The following NIBAN2 variants were observed in gnomAD, a reference collection of about 807,000 sequenced individuals.
NIBAN2 encodes niban apoptosis regulator 2, also known as protein Niban 2.
Under a neutral mutation model 81.8 loss-of-function variants are expected in NIBAN2, and 36 were observed. That is an observed-to-expected ratio of 0.44 (90% CI 0.34 to 0.58). The LOEUF (loss-of-function observed/expected upper bound fraction) is 0.58. NIBAN2 is among the 20% of genes least tolerant of loss of function. The pLI, the probability that NIBAN2 is intolerant of heterozygous loss-of-function variation, is 0.02. For missense variants in NIBAN2, 897 were observed against 1,014.1 expected (o/e 0.88, Z 1.57); for synonymous variants, 445 against 441.6 (o/e 1.01, Z -0.10).
intron 1 of NIBAN2, among the ~76,000 whole-genome samples, chr9:127,577,405 A>C (rs887043084): frequency 6.6e-6 from 1 of 151,580 alleles, no homozygotes; most frequent in Non-Finnish European, 1.5e-5. Flanking sequence ...ACCATCCTCC[A>C]GATCCAATAC....
chr9:127,514,281 A>C (rs1309800197), intron 8 of NIBAN2, among the ~76,000 whole-genome samples: 1 of 151,566 alleles, frequency 6.6e-6, no homozygotes, highest in East Asian at 1.9e-4. Context: ...AAAAAAAAAA[A>C]AAAAAACTAA....
In NIBAN2 at chr9:127,553,873, G is replaced by A. The variant is rs78658239; in HGVS notation, c.55+14947C>T. ...TGGGACTATAGGCTTGTGCCACCATGCCTGGCTAATTTTTTTTTACTTAGC... is the reference window on the plus strand; with the variant it reads ...TGGGACTATAGGCTTGTGCCACCATACCTGGCTAATTTTTTTTTACTTAGC... On this transcript the variant is annotated intron_variant, in intron 1 of 13. Coordinates refer to ENST00000373312, the MANE Select transcript of NIBAN2 (RefSeq NM_022833.4). Among the ~76,000 whole-genome samples, 849 of 152,224 alleles carry A rather than the reference G, an allele frequency of 5.6e-3. 15 individuals are homozygous for A. In the East Asian group the frequency reaches 0.065, roughly 12 times the overall value.
chr9:127,573,671 C>T (rs72767995), upstream of NIBAN2, among the ~76,000 whole-genome samples: 797 of 151,990 alleles, frequency 5.2e-3, 3 homozygotes, highest in Non-Finnish European at 8.6e-3. Context: ...TTGTTTATTT[C>T]GAGACAGGGT....
intron 3 of NIBAN2, 41 bp downstream of exon 3, chr9:127,527,153 A>G: frequency 6.2e-7 from 1 of 1,605,392 alleles, no homozygotes; most frequent in Non-Finnish European, 8.5e-7. Flanking sequence ...CACATGGAGA[A>G]AGCGGGGAGG....
chr9:127,539,206 C>T (rs975156440), intron 1 of NIBAN2, among the ~76,000 whole-genome samples: 12 of 151,924 alleles, frequency 7.9e-5, no homozygotes, highest in Non-Finnish European at 1.5e-4. Context: ...AGACACACAA[C>T]GGAGGGGAAA....
intron 2 of NIBAN2, among the ~76,000 whole-genome samples, chr9:127,528,225 C>T (rs1837114362): frequency 6.6e-6 from 1 of 152,116 alleles, no homozygotes; most frequent in Admixed American, 6.5e-5. Flanking sequence ...GATCTTTAAA[C>T]TAGGGTTGGG....
chr9:127,533,438 C>A (rs1837221261), intron 1 of NIBAN2, among the ~76,000 whole-genome samples: 1 of 152,186 alleles, frequency 6.6e-6, no homozygotes, highest in Admixed American at 6.5e-5. Flanking sequence ...GCCTGGGCGA[C>A]AGAGCGAGAC....
At chr9:127,552,891 T>C (rs1416577513) in intron 1 of NIBAN2, among the ~76,000 whole-genome samples, 4 of 152,062 alleles carry the variant, frequency 2.6e-5, no homozygotes, top group Non-Finnish European at 4.4e-5. Context: ...AGGGTTTCAC[T>C]ATGTTGGCCA....
At chr9:127,519,781 C>T (rs1223569100) in intron 5 of NIBAN2, among the ~76,000 whole-genome samples, 5 of 152,350 alleles carry the variant, frequency 3.3e-5, no homozygotes, top group East Asian at 3.9e-4. Flanking sequence ...GCATGCAGAG[C>T]CCTGGGTGGG....
chr9:127,523,190 AAAATATATATATATATATAT>A lies in NIBAN2; in HGVS notation c.589+469_589+488del, dbSNP rs1836984228. 3.0e-4 allele frequency among the ~76,000 whole-genome samples: 7 copies of A among 22,990 alleles called. 2 individuals carry two copies. The highest frequency in any genetic ancestry group is 6.2e-4 in the Admixed American group (1 of 1,614). 15.1% of individuals were successfully genotyped at this position (22,990 alleles called of 152,430 possible). On this transcript the variant is annotated intron_variant, in intron 5 of 13. Transcript: ENST00000373312. Reference sequence around the variant, plus strand: ...GTTTTAAAAAAAAAAAAAAAAAAAAAAAATATATATATATATATATATATATATATATATATATATATATA... The same window carrying A: ...GTTTTAAAAAAAAAAAAAAAAAAAAAATATATATATATATATATATATATA...
At chr9:127,551,093 G>A (rs1175382197) in intron 1 of NIBAN2, among the ~76,000 whole-genome samples, 1 of 151,812 alleles carries the variant, frequency 6.6e-6, no homozygotes, top group African/African-American at 2.4e-5. Context: ...ACGGCACTTT[G>A]AAAAAAAACT....
intron 1 of NIBAN2, among the ~76,000 whole-genome samples, chr9:127,532,618 T>A (rs999660841): frequency 2.0e-5 from 3 of 151,004 alleles, no homozygotes; most frequent in Non-Finnish European, 3.0e-5. Flanking sequence ...TAAAAAAATT[T>A]AAAAAAATGG....
Position 127,516,840 on chromosome 9 carries a change from C to CG in NIBAN2, c.973+16dup. On this transcript the variant is annotated intron_variant, in intron 8 of 13. Coordinates refer to ENST00000373312, the MANE Select transcript of NIBAN2 (RefSeq NM_022833.4). Reference sequence around the variant, plus strand: ...TGGCCCCTGGAGGGCCCGTCGAGCACGGGGGTGGCTGCCTACCTCGGATCT... The same window carrying CG: ...TGGCCCCTGGAGGGCCCGTCGAGCACGGGGGGTGGCTGCCTACCTCGGATCT... 6.2e-7 allele frequency: 1 copy of CG among 1,604,726 alleles called. No individual in the cohort carries two copies. The highest frequency in any genetic ancestry group is 8.5e-7 in the Non-Finnish European group (1 of 1,172,226).
At chr9:127,526,110 A>G (rs1049283881) in intron 3 of NIBAN2, among the ~76,000 whole-genome samples, 1 of 152,134 alleles carries the variant, frequency 6.6e-6, no homozygotes, top group Non-Finnish European at 1.5e-5. Flanking sequence ...TAGAAATGCA[A>G]ATCTTTACAG....
At chr9:127,539,568 T>A (rs1038284604) in intron 1 of NIBAN2, among the ~76,000 whole-genome samples, 34 of 152,162 alleles carry the variant, frequency 2.2e-4, no homozygotes, top group African/African-American at 8.2e-4. Context: ...TACTTCTTCA[T>A]CCTCACTGGG....
Position 127,507,208 on chromosome 9 carries a change from G to C in NIBAN2, c.1878C>G (p.Val626=), listed in dbSNP as rs1276438136. Residue 626 remains valine, a synonymous_variant, in exon 14 of 14, where the codon GTC becomes GTG. Transcript: ENST00000373312. The surrounding 1 kb of genome is among the most constrained non-coding windows in gnomAD (Gnocchi z 6.8). The part of the protein sequence containing the change: ...RRRAKQVVSV[V]QDEEVGLPFE... ...AGGGCAGCCCCACCTCCTCATCCTG[G>C]ACCACAGAGACCACCTGCTTGGCGC... 3 of 1,612,678 alleles carry C rather than the reference G, an allele frequency of 1.9e-6. No homozygotes were observed. The highest frequency in any genetic ancestry group is 1.7e-6 in the Non-Finnish European group (2 of 1,179,556).
chr9:127,562,527 C>T (rs1837791452), intron 1 of NIBAN2, among the ~76,000 whole-genome samples: 1 of 152,196 alleles, frequency 6.6e-6, no homozygotes, highest in African/African-American at 2.4e-5. Flanking sequence ...GCAGGCTAGA[C>T]TCTATGGCCA....
intron 1 of NIBAN2, among the ~76,000 whole-genome samples, chr9:127,577,063 T>A (rs1268213065): frequency 6.6e-6 from 1 of 151,874 alleles, no homozygotes; most frequent in Non-Finnish European, 1.5e-5. Flanking sequence ...GCTCACGCAC[T>A]TTCAGAGGCC....
intron 5 of NIBAN2, among the ~76,000 whole-genome samples, chr9:127,523,246 T>C (rs1588160571): frequency 1.6e-5 from 1 of 62,778 alleles, no homozygotes; most frequent in Non-Finnish European, 2.8e-5. Flanking sequence ...TATATATATA[T>C]ATATATAAAA....
Sources: gnomAD v4.1 joint callset for allele counts (sites outside exome capture counted in the v4.1 genomes callset) on GRCh38, gnomAD v4.1.1 for gene constraint, Gnocchi (gnomAD v3.1) non-coding constraint, MANE v1.5 for transcripts, NCBI Gene and HGNC (gene_info 2026-07-23, HGNC 2026-07-21) for gene names.